OSBP2: variants seen among roughly 807,000 people sequenced by gnomAD.
OSBP2 encodes oxysterol-binding protein 2.
OSBP2 carries 66 observed loss-of-function variants against 96.0 expected under a neutral mutation model. That is an observed-to-expected ratio of 0.69 (90% CI 0.56 to 0.84). The LOEUF is 0.84. Ranked by LOEUF, OSBP2 falls within the 40% of genes least tolerant of loss-of-function variation. OSBP2 has a pLI of 0.00. For missense variants in OSBP2, 1,038 were observed against 1,222.7 expected, an observed-to-expected ratio of 0.85 and a Z score of 2.25; for synonymous variants, 525 against 520.9, an observed-to-expected ratio of 1.01 and a Z score of -0.11.
intron 2 of OSBP2, among the ~76,000 whole-genome samples, chr22:30,863,607 G>A (rs1202211262): frequency 6.6e-6 from 1 of 152,196 alleles, no homozygotes; most frequent in Non-Finnish European, 1.5e-5. Flanking sequence ...TTGAGGACAA[G>A]GTCATGGGCT....
chr22:30,840,982 T>C (rs2038741250), intron 2 of OSBP2, among the ~76,000 whole-genome samples: 1 of 151,968 alleles, frequency 6.6e-6, no homozygotes, highest in Non-Finnish European at 1.5e-5. Flanking sequence ...CTGGCCAACA[T>C]GATGAAACCC....
rs1259206233 is a variant in OSBP2 at position 30,695,281 on chromosome 22, G to C, written c.372G>C (p.Ser124=). ...CTGGGCCCTTCACTAAGGCCGCATCGGAGCCGCTCTCCCGGGCGGTGGGGA... is the reference window on the plus strand; with the variant it reads ...CTGGGCCCTTCACTAAGGCCGCATCCGAGCCGCTCTCCCGGGCGGTGGGGA... The part of the protein sequence containing the change: ...VGAGPFTKAA[S]EPLSRAVGSA... The change falls in exon 1 of 14, where the codon TCG becomes TCC. Residue 124 remains serine, a synonymous_variant. Transcript: ENST00000332585. 7 of 1,613,402 alleles carry C rather than the reference G, an allele frequency of 4.3e-6. No homozygotes were observed. In the East Asian group the frequency reaches 1.3e-4, roughly 31 times the overall value.
chr22:30,757,584 AT>A (rs2090157411), intron 2 of OSBP2, among the ~76,000 whole-genome samples: 1 of 151,734 alleles, frequency 6.6e-6, no homozygotes, highest in Non-Finnish European at 1.5e-5. Flanking sequence ...TACCTGGCTA[AT>A]TTTTGTATTT....
At chr22:30,903,129 GCAT>G (rs772207239) in intron 12 of OSBP2, among the ~76,000 whole-genome samples, 1 of 152,142 alleles carries the variant, frequency 6.6e-6, no homozygotes, top group Non-Finnish European at 1.5e-5. Flanking sequence ...CTGCGGTACT[GCAT>G]CATTTTTCTC....
intron 1 of OSBP2, among the ~76,000 whole-genome samples, chr22:30,715,368 CTT>C (rs136384): frequency 1.4e-5 from 2 of 140,706 alleles, no homozygotes; most frequent in African/African-American, 2.6e-5. Context: ...CTCTCTCTCT[CTT>C]TTTTTTTTTT....
chr22:30,763,137 GATA>G (rs2090227771), intron 2 of OSBP2, among the ~76,000 whole-genome samples: 1 of 152,218 alleles, frequency 6.6e-6, no homozygotes, highest in Admixed American at 6.5e-5. Flanking sequence ...GATTAGTTTA[GATA>G]ATGTGTGAAG....
At chr22:30,867,801 C>T (rs990307058) in intron 2 of OSBP2, among the ~76,000 whole-genome samples, 2 of 152,238 alleles carry the variant, frequency 1.3e-5, no homozygotes, top group Non-Finnish European at 2.9e-5. Flanking sequence ...CAGTTAGACT[C>T]ACTGTACCTC....
intron 1 of OSBP2, among the ~76,000 whole-genome samples, chr22:30,731,868 A>G (rs980210168): frequency 3.9e-5 from 6 of 152,086 alleles, no homozygotes; most frequent in Admixed American, 1.3e-4. Context: ...ATTGTTACTC[A>G]TCATTTCCCT....
rs1475000503 is a variant in OSBP2 at position 30,850,504 on chromosome 22, A to G, written c.854-19925A>G. Among the ~76,000 whole-genome samples the G allele has an allele frequency of 2.0e-5, 3 of 151,782 alleles. No individual in the cohort carries two copies. The East Asian group carries it at 5.8e-4, about 29-fold the overall frequency. Reference sequence around the variant, plus strand: ...TCCAAAACTGTTTTGGCTATTCTTCATCCTTTGATTTTTGAGACAGCATCT... The same window carrying G: ...TCCAAAACTGTTTTGGCTATTCTTCGTCCTTTGATTTTTGAGACAGCATCT... On this transcript the variant is annotated intron_variant, in intron 2 of 13. Coordinates refer to ENST00000332585, the MANE Select transcript of OSBP2 (RefSeq NM_030758.4).
rs537146522 is a variant in OSBP2 at position 30,706,119 on chromosome 22, G to C, written c.644+10566G>C. 2.6e-5 allele frequency among the ~76,000 whole-genome samples: 4 copies of C among 152,282 alleles called. No homozygotes were observed. In the East Asian group the frequency reaches 7.7e-4, roughly 29 times the overall value. On this transcript the variant is annotated intron_variant, in intron 1 of 13. Transcript: ENST00000332585. Reference sequence around the variant, plus strand: ...CTGGATGACTGCTGGATGCTGACACGTGGAGAGAGGAGATGGTAAGAAACA... The same window carrying C: ...CTGGATGACTGCTGGATGCTGACACCTGGAGAGAGGAGATGGTAAGAAACA...
At chr22:30,886,549 C>G (rs557519857) in intron 3 of OSBP2, among the ~76,000 whole-genome samples, 2 of 152,260 alleles carry the variant, frequency 1.3e-5, no homozygotes, top group Admixed American at 1.3e-4. Flanking sequence ...AGATTCTTTA[C>G]AGATGCACGT....
At position 30,695,270 on chromosome 22, in the gene OSBP2, A is replaced by G. The variant is rs143270711; in HGVS notation, c.361A>G (p.Lys121Glu). ...AGGTGTAGGGGCTGGGCCCTTCACT[A>G]AGGCCGCATCGGAGCCGCTCTCCCG... Reference protein sequence around the residue: ...SSGVGAGPFTKAASEPLSRAV... With the variant: ...SSGVGAGPFTEAASEPLSRAV... Residue 121 changes from lysine to glutamate, a missense_variant, in exon 1 of 14, where the codon AAG becomes GAG. Transcript: ENST00000332585. 6.2e-6 allele frequency: 10 copies of G among 1,613,364 alleles called. 1 individual carries two copies. The African/African-American group carries it at 1.1e-4, about 17-fold the overall frequency.
intron 2 of OSBP2, among the ~76,000 whole-genome samples, chr22:30,755,252 C>T (rs1240941013): frequency 1.3e-5 from 2 of 152,178 alleles, no homozygotes; most frequent in Non-Finnish European, 2.9e-5. Flanking sequence ...GGGTGCAGAG[C>T]TCTGGGCAGC....
intron 2 of OSBP2, among the ~76,000 whole-genome samples, chr22:30,811,678 C>T (rs1322920462): frequency 6.6e-6 from 1 of 151,946 alleles, no homozygotes; most frequent in African/African-American, 2.4e-5. Context: ...CCTCAGCCTC[C>T]CAAGTAGCTG....
chr22:30,822,538 G>A, intron 2 of OSBP2: 1 of 1,244,652 alleles, frequency 8.0e-7, no homozygotes, highest in Non-Finnish European at 1.0e-6. Flanking sequence ...CCTCCGCCGG[G>A]CGGCCCACCG....
chr22:30,798,409 C>A (rs2090795691), intron 2 of OSBP2, among the ~76,000 whole-genome samples: 1 of 152,154 alleles, frequency 6.6e-6, no homozygotes, highest in South Asian at 2.1e-4. Context: ...TCCTTGGAGG[C>A]ATAAATTTTT....
intron 1 of OSBP2, among the ~76,000 whole-genome samples, chr22:30,739,178 C>G (rs895834549): frequency 3.3e-5 from 5 of 152,176 alleles, no homozygotes; most frequent in African/African-American, 1.2e-4. Flanking sequence ...ATGGCATACA[C>G]TTTAGTCACC....
intron 2 of OSBP2, among the ~76,000 whole-genome samples, chr22:30,843,211 A>G (rs1008983358): frequency 1.4e-4 from 21 of 152,330 alleles, no homozygotes; most frequent in African/African-American, 3.6e-4. Context: ...GTTGGAATCA[A>G]CTTCTTCCAA....
In OSBP2 at chr22:30,778,170, C is replaced by CT. The variant is rs71202014; in HGVS notation, c.853+36821dup. Among the ~76,000 whole-genome samples, 97 of 67,040 alleles carry CT rather than the reference C, an allele frequency of 1.4e-3. 1 individual carries two copies. The highest frequency in any genetic ancestry group is 8.5e-3 in the East Asian group (20 of 2,358). The allele number at this position is 67,040 out of a possible 152,430, so 44.0% of individuals were successfully genotyped here. ...CCAGCATGCCCGGCTAATTTTTGCC[C>CT]TTTTTTTTTTTTTTTTTTTTAGTAG... On this transcript the variant is annotated intron_variant, in intron 2 of 13. Transcript: ENST00000332585.
Sources: gnomAD v4.1 joint callset for allele counts (sites outside exome capture counted in the v4.1 genomes callset) on GRCh38, gnomAD v4.1.1 for gene constraint, MANE v1.5 for transcripts, NCBI Gene and HGNC (gene_info 2026-07-23, HGNC 2026-07-21) for gene names.